TRPV1: variants seen among roughly 807,000 people sequenced by gnomAD.
TRPV1 encodes OTRPC1.
A neutral mutation model predicts 82.3 loss-of-function variants in TRPV1; 82 were observed. The observed-to-expected ratio is 1.00, with a 90% CI of 0.83 to 1.20. The LOEUF (loss-of-function observed/expected upper bound fraction) is 1.20, where lower values mean the gene tolerates loss of function less well. Ranked by LOEUF, TRPV1 falls within the 50% of genes most tolerant of loss-of-function variation. The pLI is 0.00. For synonymous variants in TRPV1, 515 were observed against 467.7 expected (o/e 1.10, Z -1.30); for missense variants, 1,067 against 1,096.8 (o/e 0.97, Z 0.38).
intron 7 of TRPV1, 65 bp from the exon 8 acceptor site, chr17:3,588,432 A>G (rs2075111325): frequency 2.0e-6 from 3 of 1,510,230 alleles, no homozygotes; most frequent in Non-Finnish European, 8.9e-7. Context: ...CAGTACCTCA[A>G]CAACCAGCTC....
chr17:3,572,091 A>G (rs1255787016), intron 15 of TRPV1, 31 bp downstream of exon 15: 1 of 1,606,598 alleles, frequency 6.2e-7, no homozygotes, highest in South Asian at 1.1e-5. Context: ...AAAGCTCCCA[A>G]GCCCTGATTC....
At chr17:3,576,215 C>G (rs563813233) in intron 13 of TRPV1, among the ~76,000 whole-genome samples, 1 of 152,070 alleles carries the variant, frequency 6.6e-6, no homozygotes, top group Admixed American at 6.5e-5. Flanking sequence ...GCATGAGACT[C>G]TGTCTCAAAA....
Position 3,590,360 on chromosome 17 carries a change from G to A in TRPV1, c.637C>T (p.Arg213Cys), listed in dbSNP as rs200122855. 62 of 1,613,882 alleles carry A rather than the reference G, an allele frequency of 3.8e-5. No homozygotes were observed. Among genetic ancestry groups the A allele is most frequent in the East Asian group, 6.7e-5 (3 of 44,896 alleles). Residue 213 changes from arginine to cysteine, a missense_variant, in exon 6 of 17, where the codon CGC (arginine) becomes TGC (cysteine). Arg to Cys is a radical substitution (Grantham distance 180). Transcript: ENST00000572705. ...QTALHIAIER[R>C]NMALVTLLVE... ...AGGAGGGTCACCAGGGCCATGTTGC[G>A]TCTCTCGATGGCGATGTGCAGTGCT...
rs575982249 is a variant in TRPV1, at chr17:3,569,316, A to C, written c.2347+2208T>G. 5.3e-5 allele frequency among the ~76,000 whole-genome samples: 8 copies of C among 152,236 alleles called. No homozygotes were observed. The South Asian group carries it at 1.7e-3, about 32-fold the overall frequency. ...GTGGCAGGCGCCTGTAGTCCCAGGTACTCAGGAGGCTGAGGTGGGAGGATC... is the reference window on the plus strand; with the variant it reads ...GTGGCAGGCGCCTGTAGTCCCAGGTCCTCAGGAGGCTGAGGTGGGAGGATC... On this transcript the variant is annotated intron_variant, in intron 16 of 16. Coordinates refer to ENST00000572705, the MANE Select transcript of TRPV1 (RefSeq NM_080704.4).
chr17:3,576,628 G>A (rs1456525517), intron 13 of TRPV1, among the ~76,000 whole-genome samples: 6 of 137,904 alleles, frequency 4.4e-5, no homozygotes, highest in Non-Finnish European at 6.1e-5. Context: ...CGCCAGCCTG[G>A]GCAAGAGAGC....
Position 3,568,225 on chromosome 17 carries a change from A to G in TRPV1, c.2348-1238T>C, listed in dbSNP as rs372466541. ...TAGTCCCAGCTACTCGGGAGGCTGAAGCAGGAGAATGGCGTGAACCCGGGA... is the reference window on the plus strand; with the variant it reads ...TAGTCCCAGCTACTCGGGAGGCTGAGGCAGGAGAATGGCGTGAACCCGGGA... On this transcript the variant is annotated intron_variant, in intron 16 of 16. Transcript: ENST00000572705. Among the ~76,000 whole-genome samples the G allele has an allele frequency of 5.3e-4, 81 of 151,598 alleles. 1 individual carries two copies. Among genetic ancestry groups the G allele is most frequent in the East Asian group, 1.9e-3 (10 of 5,138 alleles).
chr17:3,573,807 G>T lies in TRPV1; in HGVS notation c.1929C>A (p.Ile643=). ...STCLELFKFT[I]GMGDLEFTEN... is the part of the protein sequence containing the mutation. ...CAGTGAACTCCAGGTCGCCCATGCC[G>T]ATGGTGAACTTGAACAGCTCCAGGC... Residue 643 remains isoleucine (I), a synonymous_variant, in exon 14 of 17, where the codon ATC becomes ATA. Coordinates refer to ENST00000572705, the MANE Select transcript of TRPV1 (RefSeq NM_080704.4). 2 of 1,613,838 alleles carry T rather than the reference G, an allele frequency of 1.2e-6. No individual in the cohort carries two copies. The highest frequency in any genetic ancestry group is 1.7e-6 in the Non-Finnish European group (2 of 1,179,854).
intron 7 of TRPV1, among the ~76,000 whole-genome samples, chr17:3,589,222 T>TG (rs1334939971): frequency 3.3e-5 from 5 of 151,000 alleles, no homozygotes; most frequent in Admixed American, 1.3e-4. Flanking sequence ...TTTTTTTTTT[T>TG]TTGAGACAGA....
intron 2 of TRPV1, among the ~76,000 whole-genome samples, chr17:3,600,304 G>A (rs763288500): frequency 3.3e-5 from 5 of 152,260 alleles, no homozygotes; most frequent in East Asian, 1.9e-4. Flanking sequence ...AAGACAGCAC[G>A]GAGCCGGGCA....
Position 3,589,969 on chromosome 17 carries a change from C to A in TRPV1, c.882G>T (p.Glu294Asp). 1 of 1,562,722 alleles carries A rather than the reference C, an allele frequency of 6.4e-7. No individual in the cohort carries two copies. Among genetic ancestry groups the A allele is most frequent in the East Asian group, 2.4e-5 (1 of 41,436 alleles). ...TGTTGTCGGCCGTGTTGTCGGCCAC[C>A]TCCACCAGGGCGTGCAGCACCGTGT... ...VGNTVLHALV[E>D]VADNTADNTK... is the part of the protein sequence containing the mutation. Residue 294 changes from glutamate (E) to aspartate (D), a missense_variant, in exon 7 of 17, where the codon GAG (glutamate) becomes GAT (aspartate). Glu to Asp is a conservative substitution (Grantham distance 45, BLOSUM62 2). Coordinates refer to ENST00000572705, the MANE Select transcript of TRPV1 (RefSeq NM_080704.4).
chr17:3,575,552 C>T (rs541446125), intron 13 of TRPV1, among the ~76,000 whole-genome samples: 3 of 151,566 alleles, frequency 2.0e-5, no homozygotes, highest in African/African-American at 4.8e-5. Flanking sequence ...GACTCATCAA[C>T]GGATGCTAGA....
At chr17:3,604,874 G>C (rs2075287254) in intron 2 of TRPV1, among the ~76,000 whole-genome samples, 1 of 152,044 alleles carries the variant, frequency 6.6e-6, no homozygotes, top group Non-Finnish European at 1.5e-5. Flanking sequence ...ACACTCCCAA[G>C]GCCCCAGTCC....
chr17:3,583,179 C>A (rs1006720869), intron 10 of TRPV1, among the ~76,000 whole-genome samples, 159 bp downstream of exon 10: 1 of 152,186 alleles, frequency 6.6e-6, no homozygotes, highest in Non-Finnish European at 1.5e-5. Context: ...CCCGCGGTGA[C>A]TGACTGAAGG....
chr17:3,600,299 A>T (rs567842244), intron 2 of TRPV1, among the ~76,000 whole-genome samples: 1 of 152,310 alleles, frequency 6.6e-6, no homozygotes, highest in South Asian at 2.1e-4. Context: ...CAATAAAGAC[A>T]GCACGGAGCC....
chr17:3,591,200 G>T lies in TRPV1; in HGVS notation c.438C>A (p.Asp146Glu), dbSNP rs1459246277. The T allele has an allele frequency of 1.9e-6, 3 of 1,610,808 alleles. No individual in the cohort carries two copies. The South Asian group carries it at 3.3e-5, about 18-fold the overall frequency. ...FLQKSKKHLT[D>E]NEFKDPETGK... ...CGCTGGGGCCACCTTTGAACTCGTTGTCTGTGAGGTGCTTCTTGCTCTTCT... is the reference window on the plus strand; with the variant it reads ...CGCTGGGGCCACCTTTGAACTCGTTTTCTGTGAGGTGCTTCTTGCTCTTCT... The change falls in exon 4 of 17, where the codon GAC becomes GAA. Residue 146 changes from aspartate to glutamate, a missense_variant. Transcript: ENST00000572705.
intron 9 of TRPV1, among the ~76,000 whole-genome samples, chr17:3,584,787 C>T (rs1223254539): frequency 1.3e-5 from 2 of 152,150 alleles, no homozygotes; most frequent in Admixed American, 1.3e-4. Context: ...TAGAGCGAGA[C>T]TCCATCTCAA....
intron 2 of TRPV1, among the ~76,000 whole-genome samples, chr17:3,603,535 C>T (rs1160345685): frequency 6.6e-6 from 1 of 152,158 alleles, no homozygotes; most frequent in East Asian, 1.9e-4. Flanking sequence ...CCAAGAACAC[C>T]TGCCCTACCT....
At chr17:3,589,261 C>T (rs533222911) in intron 7 of TRPV1, among the ~76,000 whole-genome samples, 18 of 145,670 alleles carry the variant, frequency 1.2e-4, no homozygotes, top group African/African-American at 3.8e-4. Context: ...GGCTAGAGTG[C>T]GGTGGCAAAA....
chr17:3,566,722 C>T lies in TRPV1; in HGVS notation c.*93G>A. 1 of 1,481,118 alleles carries T rather than the reference C, an allele frequency of 6.8e-7. No homozygotes were observed. The highest frequency in any genetic ancestry group is 9.1e-7 in the Non-Finnish European group (1 of 1,093,978). 91.7% of individuals were successfully genotyped at this position (1,481,118 alleles called of 1,614,324 possible). The stretch of plus-strand genomic sequence containing the variant: ...CTGGGCAGGCACAGACCAGGCCAGG[C>T]TGCTGACAGAGCACTGGTGTTCCCT... On this transcript the variant is annotated 3_prime_UTR_variant, in exon 17 of 17. Coordinates refer to ENST00000572705, the MANE Select transcript of TRPV1 (RefSeq NM_080704.4).
Sources: allele counts gnomAD v4.1 joint callset (sites outside exome capture counted in the v4.1 genomes callset), GRCh38; gene constraint gnomAD v4.1.1; transcripts MANE v1.5; gene names NCBI Gene and HGNC (gene_info 2026-07-23, HGNC 2026-07-21).